The following SPRY3 variants were observed in gnomAD, a reference collection of about 807,000 sequenced individuals.
SPRY3 encodes the protein protein sprouty homolog 3.
In SPRY3, 15 loss-of-function variants were observed where a neutral mutation model predicts 20.2. That is an observed-to-expected ratio of 0.74 (90% CI 0.50 to 1.14). The LOEUF (loss-of-function observed/expected upper bound fraction) is 1.14. Ranked by LOEUF, SPRY3 falls within the 50% of genes most tolerant of loss-of-function variation. The probability of loss-of-function intolerance (pLI) is 0.00; values close to 1 mark genes in which losing one functional copy is unlikely to be tolerated. For missense variants in SPRY3, 364 were observed against 363.9 expected, an observed-to-expected ratio of 1.00 and a Z score of 0.00; for synonymous variants, 143 against 136.5, an observed-to-expected ratio of 1.05 and a Z score of -0.33.
At chrX:155,633,507 C>T (rs913064266) in intron 1 of SPRY3, among the ~76,000 whole-genome samples, 1 of 110,265 alleles carries the variant, frequency 9.1e-6, no homozygotes, top group Non-Finnish European at 1.9e-5. Flanking sequence ...TATCCCAAAC[C>T]TTCTCCAAAG....
downstream of SPRY3, chrX:155,780,492 G>A (rs2091456859): frequency 6.0e-6 from 1 of 166,902 alleles, no homozygotes; most frequent in Non-Finnish European, 1.5e-5. Flanking sequence ...TGCAAGGAAA[G>A]GGACAGTCAT....
intron 2 of SPRY3, among the ~76,000 whole-genome samples, chrX:155,757,177 C>G (rs1395208754): frequency 6.6e-6 from 1 of 152,222 alleles, no homozygotes; most frequent in African/African-American, 2.4e-5. Context: ...ATGTAACCCT[C>G]TGATACCTCT....
At position 155,747,100 on chromosome X, in the gene SPRY3, G is replaced by A. The variant is rs147488634; in HGVS notation, c.-281-20862G>A. On this transcript the variant is annotated intron_variant, in intron 2 of 3. Coordinates refer to ENST00000675360, the Ensembl canonical transcript of SPRY3. ...CTAAATTAAAGGAGAATCACAGGACGTCACACTTAATGACTGCTGATTCAA... is the reference window on the plus strand; with the variant it reads ...CTAAATTAAAGGAGAATCACAGGACATCACACTTAATGACTGCTGATTCAA... Among the ~76,000 whole-genome samples the A allele has an allele frequency of 3.7e-3, 562 of 151,936 alleles. 2 individuals carry two copies. Among genetic ancestry groups the A allele is most frequent in the African/African-American group, 0.013 (530 of 41,500 alleles).
At chrX:155,757,251 C>G in intron 2 of SPRY3, among the ~76,000 whole-genome samples, 1 of 152,208 alleles carries the variant, frequency 6.6e-6, no homozygotes, top group African/African-American at 2.4e-5. Flanking sequence ...GTGCTGATCT[C>G]TTTGCTCCTC....
At chrX:155,763,573 C>T (rs1212033232) in intron 2 of SPRY3, among the ~76,000 whole-genome samples, 4 of 152,088 alleles carry the variant, frequency 2.6e-5, no homozygotes, top group African/African-American at 4.8e-5. Flanking sequence ...GCCTGTCATT[C>T]GAGTTATTCT....
chrX:155,749,898 G>A (rs190007898), intron 2 of SPRY3, among the ~76,000 whole-genome samples: 7 of 151,736 alleles, frequency 4.6e-5, no homozygotes, highest in Admixed American at 4.6e-4. Flanking sequence ...TTATTCTGGA[G>A]TTCAGAGGAG....
intron 1 of SPRY3, among the ~76,000 whole-genome samples, chrX:155,642,910 G>A (rs1404302906): frequency 2.7e-5 from 3 of 111,835 alleles, no homozygotes; most frequent in Non-Finnish European, 5.6e-5. Flanking sequence ...GTTTATCTTT[G>A]ATAATGTCCC....
chrX:155,704,762 T>G (rs1449569397), intron 2 of SPRY3, among the ~76,000 whole-genome samples: 1 of 151,456 alleles, frequency 6.6e-6, no homozygotes, highest in Non-Finnish European at 1.5e-5. Context: ...GAGAAAATCC[T>G]GAAGTCAGAG....
intron 1 of SPRY3, among the ~76,000 whole-genome samples, chrX:155,641,443 A>C (rs2067939781): frequency 8.7e-6 from 1 of 115,001 alleles, no homozygotes; most frequent in Non-Finnish European, 1.9e-5. Flanking sequence ...ATGTGGCGGC[A>C]GCCCGCGGTG....
intron 2 of SPRY3, among the ~76,000 whole-genome samples, chrX:155,673,968 G>C (rs1273016457): frequency 2.7e-5 from 3 of 111,405 alleles, no homozygotes; most frequent in Non-Finnish European, 5.7e-5. Context: ...AGATTCTATA[G>C]GTGTTTTACT....
chrX:155,752,427 G>A (rs1428987159), intron 2 of SPRY3, among the ~76,000 whole-genome samples: 15 of 151,450 alleles, frequency 9.9e-5, no homozygotes, highest in Non-Finnish European at 1.6e-4. Flanking sequence ...TAAAACATTT[G>A]CAAAGCATGG....
intron 2 of SPRY3, among the ~76,000 whole-genome samples, chrX:155,668,138 C>T (rs115203683): frequency 0.029 from 3,258 of 110,768 alleles, 109 homozygotes; most frequent in African/African-American, 0.098. Flanking sequence ...CATGTTCACC[C>T]AAAAACGTGG....
chrX:155,650,996 G>C (rs2067975469), intron 1 of SPRY3, among the ~76,000 whole-genome samples: 1 of 110,895 alleles, frequency 9.0e-6, no homozygotes, highest in Non-Finnish European at 1.9e-5. Flanking sequence ...GTTTTCCATA[G>C]AGAATGTACT....
intron 3 of SPRY3, among the ~76,000 whole-genome samples, chrX:155,768,602 C>T (rs911330341): frequency 7.2e-5 from 11 of 152,176 alleles, no homozygotes; most frequent in African/African-American, 2.7e-4. Flanking sequence ...GTTCAGATTT[C>T]ATCACATCAC....
intron 1 of SPRY3, among the ~76,000 whole-genome samples, chrX:155,641,986 T>C (rs782056198): frequency 1.8e-5 from 2 of 113,475 alleles, no homozygotes; most frequent in South Asian, 7.1e-4. Context: ...TCTTCAATAT[T>C]ATTCATCCAG....
intron 1 of SPRY3, among the ~76,000 whole-genome samples, chrX:155,643,180 A>G (rs1477716771): frequency 8.9e-6 from 1 of 111,865 alleles, no homozygotes; most frequent in East Asian, 2.8e-4. Flanking sequence ...TGTATTTACA[A>G]TCATTATATC....
intron 2 of SPRY3, among the ~76,000 whole-genome samples, chrX:155,694,744 A>G (rs1016378157): frequency 3.6e-5 from 4 of 111,729 alleles, no homozygotes; most frequent in Admixed American, 9.5e-5. Flanking sequence ...AAAGGAGTGC[A>G]CAACCTAGAT....
intron 1 of SPRY3, among the ~76,000 whole-genome samples, chrX:155,613,222 G>A (rs1345663994): frequency 2.7e-5 from 3 of 111,921 alleles, no homozygotes; most frequent in Non-Finnish European, 5.6e-5. Context: ...GTTTATCCAG[G>A]TTTACTAGAA....
At chrX:155,753,328 A>G (rs1304127136) in intron 2 of SPRY3, among the ~76,000 whole-genome samples, 2 of 66 alleles carry the variant, frequency 0.03, no homozygotes, top group East Asian at 0.17. Context: ...GGACATTCAC[A>G]TAAATGAATA....
Sources: allele counts gnomAD v4.1 joint callset (sites outside exome capture counted in the v4.1 genomes callset), GRCh38; gene constraint gnomAD v4.1.1; transcripts MANE v1.5; gene names NCBI Gene and HGNC (gene_info 2026-07-23, HGNC 2026-07-21).